CACNA1D: variants seen among roughly 807,000 people sequenced by gnomAD.
CACNA1D encodes the protein calcium voltage-gated channel subunit alpha1 D.
A neutral mutation model predicts 257.1 loss-of-function variants in CACNA1D; 55 were observed. The ratio of observed to expected loss-of-function variants is 0.21; its 90% confidence interval spans 0.17 to 0.27. CACNA1D has a LOEUF of 0.27. Among genes scored for constraint, CACNA1D ranks in the 10% least tolerant of loss-of-function variants. CACNA1D has a pLI of 1.00. For synonymous variants in CACNA1D, 980 were observed against 1,014.9 expected (o/e 0.97, Z 0.65); for missense variants, 1,876 against 2,784.0 (o/e 0.67, Z 7.34).
At chr3:53,659,001 C>G (rs6762018) in intron 4 of CACNA1D, among the ~76,000 whole-genome samples, 1 of 152,118 alleles carries the variant, frequency 6.6e-6, no homozygotes, top group African/African-American at 2.4e-5. Context: ...TCCAGAGGCA[C>G]GCCAGTGGGG....
At chr3:53,781,190 A>G (rs946469802) in intron 38 of CACNA1D, among the ~76,000 whole-genome samples, 1 of 152,218 alleles carries the variant, frequency 6.6e-6, no homozygotes, top group African/African-American at 2.4e-5. Flanking sequence ...TGGATCTTCA[A>G]GGAAGGAGGT....
intron 3 of CACNA1D, among the ~76,000 whole-genome samples, 182 bp downstream of exon 3, chr3:53,501,902 A>G (rs2090619415): frequency 6.6e-6 from 1 of 152,192 alleles, no homozygotes; most frequent in South Asian, 2.1e-4. Context: ...TCAAATTTAT[A>G]CTGACTGAAA....
At chr3:53,734,008 A>ATGTG (rs67631750) in intron 19 of CACNA1D, among the ~76,000 whole-genome samples, 1 of 71,032 alleles carries the variant, frequency 1.4e-5, no homozygotes, top group African/African-American at 4.7e-5. Context: ...ACATATATAT[A>ATGTG]TGTGTGTGTA....
chr3:53,696,237 G>A (rs186143445), intron 8 of CACNA1D, among the ~76,000 whole-genome samples: 1 of 152,316 alleles, frequency 6.6e-6, no homozygotes, highest in African/African-American at 2.4e-5. Context: ...CAAAATGTTG[G>A]TATTTCAGGC....
rs535075259 is a variant in CACNA1D at position 53,811,012 on chromosome 3, C to T, written c.6193-101C>T. ...GATTGAGCTGCATCCCCAAAGCACA[C>T]GGTGCAGTTAAGTTAGCACTGGAGT... On this transcript the variant is annotated intron_variant, in intron 47 of 47. Transcript: ENST00000350061. This position sits in a 1 kb window ranked among gnomAD's most constrained non-coding sequence, Gnocchi z 4.2. 51 of 867,088 alleles carry T rather than the reference C, an allele frequency of 5.9e-5. No individual in the cohort carries two copies. Among genetic ancestry groups the T allele is most frequent in the African/African-American group, 5.3e-4 (32 of 60,636 alleles). 53.7% of individuals were successfully genotyped at this position (867,088 alleles called of 1,614,324 possible).
intron 29 of CACNA1D, among the ~76,000 whole-genome samples, chr3:53,760,135 A>G (rs2095292172): frequency 6.6e-6 from 1 of 152,096 alleles, no homozygotes; most frequent in South Asian, 2.1e-4. Flanking sequence ...TTGGTTAGAA[A>G]CCACGGCGGT....
chr3:53,518,195 C>T (rs1370281762), intron 3 of CACNA1D, among the ~76,000 whole-genome samples: 1 of 152,204 alleles, frequency 6.6e-6, no homozygotes, highest in East Asian at 1.9e-4. Flanking sequence ...AGAGGACTAG[C>T]ACCCTGGGGT....
At chr3:53,691,737 TATTA>T (rs2094522973) in intron 8 of CACNA1D, among the ~76,000 whole-genome samples, 3 of 111,130 alleles carry the variant, frequency 2.7e-5, no homozygotes, top group Non-Finnish European at 5.2e-5. Context: ...ATAATATATA[TATTA>T]CATATATAAT....
chr3:53,808,903 C>T (rs2095581552), intron 46 of CACNA1D, 133 bp downstream of exon 46: 3 of 913,640 alleles, frequency 3.3e-6, no homozygotes, highest in Non-Finnish European at 5.0e-6. Flanking sequence ...TCTAGTTAAT[C>T]TTTGTAACAA....
intron 3 of CACNA1D, among the ~76,000 whole-genome samples, chr3:53,602,530 A>G (rs1055159170): frequency 1.3e-5 from 2 of 152,212 alleles, no homozygotes; most frequent in African/African-American, 4.8e-5. Flanking sequence ...GGGAACCCCC[A>G]TACAGTTTTC....
At chr3:53,660,013 T>C (rs1430517069) in intron 4 of CACNA1D, 120 bp from the exon 5 acceptor site, 2 of 879,704 alleles carry the variant, frequency 2.3e-6, no homozygotes, top group African/African-American at 1.7e-5. Flanking sequence ...TTTGTCTTCC[T>C]TTTATTTAAG....
intron 25 of CACNA1D, among the ~76,000 whole-genome samples, chr3:53,746,569 A>G (rs775210074): frequency 5.7e-4 from 87 of 152,048 alleles, no homozygotes; most frequent in Middle Eastern, 3.4e-3. Context: ...GTGCCTGTAC[A>G]TTGGTTTGGG....
intron 40 of CACNA1D, among the ~76,000 whole-genome samples, chr3:53,796,849 A>G (rs536919585): frequency 6.6e-6 from 1 of 152,354 alleles, no homozygotes; most frequent in Admixed American, 6.5e-5. Context: ...ACATCTTAAA[A>G]TAAGTCAATA....
rs539463626 is a variant in CACNA1D, at chr3:53,774,382, T to C, written c.4111-205T>C. The C allele has an allele frequency of 2.1e-5, 12 of 571,940 alleles. No individual in the cohort carries two copies. Among genetic ancestry groups the C allele is most frequent in the Middle Eastern group, 4.8e-4 (1 of 2,076 alleles). 35.4% of individuals were successfully genotyped at this position (571,940 alleles called of 1,614,324 possible). On this transcript the variant is annotated intron_variant, in intron 33 of 47. Transcript: ENST00000350061. The surrounding 1 kb of genome is among the most constrained non-coding windows in gnomAD (Gnocchi z 4.3). ...ATCCGCGAATGTGAGACCGTGCCCCTCTGGAGCACCACGTTCCCAGTGTGT... is the reference window on the plus strand; with the variant it reads ...ATCCGCGAATGTGAGACCGTGCCCCCCTGGAGCACCACGTTCCCAGTGTGT...
chr3:53,629,632 T>G (rs2108106454), intron 3 of CACNA1D, among the ~76,000 whole-genome samples: 1 of 152,288 alleles, frequency 6.6e-6, no homozygotes, highest in East Asian at 1.9e-4. Flanking sequence ...GCAGATGCTT[T>G]CTTTGCTCAC....
Position 53,805,150 on chromosome 3 carries a change from A to G in CACNA1D, c.5749+4A>G. 6.2e-7 allele frequency: 1 copy of G among 1,613,142 alleles called. No individual in the cohort carries two copies. Among genetic ancestry groups the G allele is most frequent in the Non-Finnish European group, 8.5e-7 (1 of 1,179,858 alleles). ...CTACTACCTCCCACCCCAGCATGTG[A>G]GGCCAGATTTTTTGTTTTGGGTGGA... On this transcript the variant is annotated splice_donor_region_variant and intron_variant, in intron 45 of 47. Coordinates refer to ENST00000350061, the MANE Select transcript of CACNA1D (RefSeq NM_001128840.3).
At chr3:53,735,333 C>A (rs2108786245) in intron 19 of CACNA1D, 41 bp from the exon 20 acceptor site, 1 of 1,604,718 alleles carries the variant, frequency 6.2e-7, no homozygotes, top group South Asian at 1.1e-5. Context: ...TGTGTTCCAC[C>A]CTATCTGGGA....
intron 8 of CACNA1D, among the ~76,000 whole-genome samples, chr3:53,683,920 A>G (rs1247290339): frequency 6.6e-6 from 1 of 152,212 alleles, no homozygotes; most frequent in African/African-American, 2.4e-5. Flanking sequence ...AAGTTAACAG[A>G]TCCAAAAGGC....
intron 3 of CACNA1D, among the ~76,000 whole-genome samples, chr3:53,648,883 T>C (rs1373589245): frequency 6.6e-6 from 1 of 151,658 alleles, no homozygotes. Context: ...TAGACTGTTA[T>C]AATGGTGTTC....
Sources: allele counts gnomAD v4.1 joint callset (sites outside exome capture counted in the v4.1 genomes callset), GRCh38; gene constraint gnomAD v4.1.1; non-coding constraint Gnocchi (gnomAD v3.1); transcripts MANE v1.5; gene names NCBI Gene and HGNC (gene_info 2026-07-23, HGNC 2026-07-21).